The following GRIA1 variants were observed in gnomAD, a reference collection of about 807,000 sequenced individuals.
GRIA1 encodes the protein glutamate receptor 1.
A neutral mutation model predicts 99.2 loss-of-function variants in GRIA1; 31 were observed. The observed-to-expected ratio is 0.31, with a 90% CI of 0.23 to 0.42. GRIA1 has a LOEUF of 0.42. GRIA1 is among the 10% of genes least tolerant of loss of function. The probability of loss-of-function intolerance (pLI) is 1.00; values close to 1 mark genes in which losing one functional copy is unlikely to be tolerated. For missense variants in GRIA1, 782 were observed against 1,157.5 expected, an observed-to-expected ratio of 0.68 and a Z score of 4.71; for synonymous variants, 438 against 432.4, an observed-to-expected ratio of 1.01 and a Z score of -0.16.
intron 14 of GRIA1, among the ~76,000 whole-genome samples, chr5:153,800,022 T>C (rs980222336): frequency 6.6e-6 from 1 of 152,178 alleles, no homozygotes; most frequent in Non-Finnish European, 1.5e-5. Flanking sequence ...CATCACTCCC[T>C]TGTCCTTGGA....
At chr5:153,664,948 A>G (rs1755637778) in intron 5 of GRIA1, among the ~76,000 whole-genome samples, 1 of 152,166 alleles carries the variant, frequency 6.6e-6, no homozygotes, top group African/African-American at 2.4e-5. Context: ...GAAGGTTTTG[A>G]TCATGTAAAG....
At chr5:153,503,197 T>C (rs1755172241) in intron 2 of GRIA1, among the ~76,000 whole-genome samples, 2 of 152,228 alleles carry the variant, frequency 1.3e-5, no homozygotes, top group South Asian at 4.1e-4. Context: ...ACATATTTTG[T>C]TGTGATTTTA....
chr5:153,712,081 T>C (rs567225975), intron 11 of GRIA1, among the ~76,000 whole-genome samples: 6 of 152,264 alleles, frequency 3.9e-5, no homozygotes, highest in African/African-American at 1.4e-4. Flanking sequence ...GACCGAGTCT[T>C]GCTCTGTTGC....
At chr5:153,783,475 G>A (rs1174593360) in intron 13 of GRIA1, among the ~76,000 whole-genome samples, 2 of 152,200 alleles carry the variant, frequency 1.3e-5, no homozygotes, top group African/African-American at 4.8e-5. Context: ...GGTGGGCTAG[G>A]CATCACACTT....
At chr5:153,759,633 A>T (rs1331490205) in intron 11 of GRIA1, among the ~76,000 whole-genome samples, 2 of 152,188 alleles carry the variant, frequency 1.3e-5, no homozygotes, top group South Asian at 4.1e-4. Flanking sequence ...GTTAAAGAAG[A>T]ACTAATTTAA....
intron 2 of GRIA1, among the ~76,000 whole-genome samples, chr5:153,512,660 A>T: frequency 6.6e-6 from 1 of 152,164 alleles, no homozygotes; most frequent in East Asian, 1.9e-4. Context: ...TTGCTTTACC[A>T]CTTCTACCTT....
In GRIA1 at chr5:153,768,184, C is replaced by CTTATGATTAG. The variant is rs1016171203; in HGVS notation, c.2023-1981_2023-1972dup. Among the ~76,000 whole-genome samples, 7 of 152,288 alleles carry CTTATGATTAG rather than the reference C, an allele frequency of 4.6e-5. No homozygotes were observed. In the East Asian group the frequency reaches 1.4e-3, roughly 29 times the overall value. ...GAGAATATTAAATACATTGGCAGAC[C>CTTATGATTAG]TTATGATTAGTTCTGGGTATTTCCT... On this transcript the variant is annotated intron_variant, in intron 12 of 15. Transcript: ENST00000285900.
intron 2 of GRIA1, among the ~76,000 whole-genome samples, chr5:153,539,447 GC>G (rs1161842709): frequency 6.6e-6 from 1 of 152,166 alleles, no homozygotes; most frequent in Non-Finnish European, 1.5e-5. Context: ...AAATGAATGT[GC>G]ATACGCATTG....
At chr5:153,648,846 C>CG (rs1561726922) in intron 3 of GRIA1, among the ~76,000 whole-genome samples, 1 of 151,904 alleles carries the variant, frequency 6.6e-6, no homozygotes, top group African/African-American at 2.4e-5. Flanking sequence ...ACACCCCCCC[C>CG]CAAGATGTTC....
At chr5:153,732,111 T>C (rs1252038291) in intron 11 of GRIA1, among the ~76,000 whole-genome samples, 3 of 152,126 alleles carry the variant, frequency 2.0e-5, no homozygotes, top group Admixed American at 6.6e-5. Context: ...CCACATTTTC[T>C]TTTTCATTCA....
chr5:153,735,012 A>G (rs1378102221), intron 11 of GRIA1, among the ~76,000 whole-genome samples: 1 of 152,052 alleles, frequency 6.6e-6, no homozygotes, highest in East Asian at 1.9e-4. Flanking sequence ...CAACTTGGGG[A>G]TGGGAGCTAC....
At chr5:153,680,963 C>T (rs1756931361) in intron 7 of GRIA1, among the ~76,000 whole-genome samples, 1 of 152,210 alleles carries the variant, frequency 6.6e-6, no homozygotes, top group African/African-American at 2.4e-5. Context: ...AGTACCAGAA[C>T]TCTCCTGCGT....
intron 2 of GRIA1, among the ~76,000 whole-genome samples, chr5:153,527,064 T>C (rs1461428108): frequency 6.6e-6 from 1 of 152,194 alleles, no homozygotes; most frequent in African/African-American, 2.4e-5. Flanking sequence ...AAATAGTGAA[T>C]CTGTGACATG....
chr5:153,563,621 C>T (rs1221941972), intron 2 of GRIA1, among the ~76,000 whole-genome samples: 1 of 152,176 alleles, frequency 6.6e-6, no homozygotes, highest in Non-Finnish European at 1.5e-5. Flanking sequence ...GTATGCTTTC[C>T]ATCAAATATG....
intron 2 of GRIA1, among the ~76,000 whole-genome samples, chr5:153,499,859 G>A (rs1486430081): frequency 3.3e-5 from 5 of 152,076 alleles, no homozygotes; most frequent in Non-Finnish European, 5.9e-5. Context: ...TATTTTGAGT[G>A]GGTAAAGTCA....
chr5:153,642,288 C>T (rs1183034449), intron 2 of GRIA1, among the ~76,000 whole-genome samples: 1 of 152,200 alleles, frequency 6.6e-6, no homozygotes, highest in Non-Finnish European at 1.5e-5. Flanking sequence ...CATCTCTCAA[C>T]TTGCCTTGTG....
At chr5:153,710,613 C>T (rs1759243926) in intron 11 of GRIA1, among the ~76,000 whole-genome samples, 1 of 152,176 alleles carries the variant, frequency 6.6e-6, no homozygotes, top group South Asian at 2.1e-4. Context: ...ATCTTTAGTA[C>T]CTTCAACTTT....
At chr5:153,601,776 G>T (rs1024893286) in intron 2 of GRIA1, among the ~76,000 whole-genome samples, 65 of 152,158 alleles carry the variant, frequency 4.3e-4, no homozygotes, top group Non-Finnish European at 8.8e-4. Flanking sequence ...AATTGTAAGG[G>T]ACCTTAGAGA....
intron 2 of GRIA1, among the ~76,000 whole-genome samples, chr5:153,630,240 AAATAAT>A (rs1752841928): frequency 6.9e-6 from 1 of 145,854 alleles, no homozygotes; most frequent in African/African-American, 2.5e-5. Flanking sequence ...TTAATGTTAG[AAATAAT>A]AATGATAATT....
Sources: allele counts gnomAD v4.1 joint callset (sites outside exome capture counted in the v4.1 genomes callset), GRCh38; gene constraint gnomAD v4.1.1; transcripts MANE v1.5; gene names NCBI Gene and HGNC (gene_info 2026-07-23, HGNC 2026-07-21).